Variants in MYO1D observed in about 807,000 individuals in gnomAD.
MYO1D encodes the protein myosin ID.
In MYO1D, 83 loss-of-function variants were observed where a neutral mutation model predicts 122.0. The ratio of observed to expected loss-of-function variants is 0.68; its 90% CI spans 0.57 to 0.82. The LOEUF (loss-of-function observed/expected upper bound fraction) is 0.82. MYO1D is among the 40% of genes least tolerant of loss of function. The probability of loss-of-function intolerance (pLI) is 0.00; values close to 1 mark genes in which losing one functional copy is unlikely to be tolerated. For missense variants in MYO1D, 1,157 were observed against 1,269.5 expected (o/e 0.91, Z 1.35); for synonymous variants, 464 against 446.9 (o/e 1.04, Z -0.48).
At chr17:32,694,663 T>TGCA (rs2089148203) in intron 16 of MYO1D, among the ~76,000 whole-genome samples, 1 of 123,932 alleles carries the variant, frequency 8.1e-6, no homozygotes, top group Admixed American at 1.1e-4. Flanking sequence ...ATTGCGCCAC[T>TGCA]GCAGTCCGCA....
chr17:32,558,009 G>T (rs1188528312), intron 21 of MYO1D, among the ~76,000 whole-genome samples: 4 of 151,906 alleles, frequency 2.6e-5, no homozygotes, highest in African/African-American at 9.7e-5. Flanking sequence ...TAATTTTCAG[G>T]TGTTACAAAA....
chr17:32,782,417 T>C (rs894786825), intron 1 of MYO1D, among the ~76,000 whole-genome samples: 1 of 152,198 alleles, frequency 6.6e-6, no homozygotes, highest in African/African-American at 2.4e-5. Context: ...TGAAAGCTAC[T>C]TAACCTCCAT....
intron 19 of MYO1D, among the ~76,000 whole-genome samples, chr17:32,644,321 G>A (rs956703096): frequency 6.6e-6 from 1 of 152,168 alleles, no homozygotes; most frequent in Non-Finnish European, 1.5e-5. Context: ...GTTGAGGAGT[G>A]CTTTACTTCC....
At position 32,694,564 on chromosome 17, in the gene MYO1D, G is replaced by A. The variant is rs563118723; in HGVS notation, c.2121+17424C>T. The stretch of plus-strand genomic sequence containing the variant: ...AAAATACAAAAAATTAGCCGGGCGC[G>A]GTGGCGGGCGCCTGTAGTCCCAGCT... On this transcript the variant is annotated intron_variant, in intron 16 of 21. Coordinates refer to ENST00000318217, the MANE Select transcript of MYO1D (RefSeq NM_015194.3). Among the ~76,000 whole-genome samples, 220 of 151,608 alleles carry A rather than the reference G, an allele frequency of 1.5e-3. 2 individuals carry two copies. The highest frequency in any genetic ancestry group is 4.0e-3 in the African/African-American group (166 of 41,364).
intron 1 of MYO1D, among the ~76,000 whole-genome samples, chr17:32,871,643 G>A (rs2091181205): frequency 6.6e-6 from 1 of 152,218 alleles, no homozygotes; most frequent in Non-Finnish European, 1.5e-5. Flanking sequence ...GAAGTCTAAC[G>A]TATATTTCAT....
At chr17:32,632,821 T>C (rs1486582676) in intron 20 of MYO1D, among the ~76,000 whole-genome samples, 1 of 151,974 alleles carries the variant, frequency 6.6e-6, no homozygotes, top group Non-Finnish European at 1.5e-5. Flanking sequence ...TGTCCAACAG[T>C]AATCAAAACA....
At chr17:32,713,025 C>G (rs954743365) in intron 15 of MYO1D, among the ~76,000 whole-genome samples, 15 of 152,184 alleles carry the variant, frequency 9.9e-5, no homozygotes, top group African/African-American at 3.4e-4. Context: ...TATCACAGAG[C>G]TTTTTCCATC....
intron 19 of MYO1D, among the ~76,000 whole-genome samples, chr17:32,645,565 C>T (rs1302857374): frequency 6.6e-6 from 1 of 152,144 alleles, no homozygotes; most frequent in Non-Finnish European, 1.5e-5. Context: ...TTGGTCTTTT[C>T]ACACAGTCCC....
intron 20 of MYO1D, among the ~76,000 whole-genome samples, chr17:32,623,878 G>C (rs2087886529): frequency 6.6e-6 from 1 of 152,160 alleles, no homozygotes; most frequent in Non-Finnish European, 1.5e-5. Context: ...TCTTGTATAA[G>C]TCGATAATCC....
At chr17:32,851,196 C>A (rs2090985210) in intron 1 of MYO1D, among the ~76,000 whole-genome samples, 1 of 152,116 alleles carries the variant, frequency 6.6e-6, no homozygotes, top group South Asian at 2.1e-4. Context: ...CACTCTCAGC[C>A]AACATCTTGC....
intron 20 of MYO1D, among the ~76,000 whole-genome samples, chr17:32,614,376 G>A (rs1330748422): frequency 6.6e-6 from 1 of 151,742 alleles, no homozygotes; most frequent in Non-Finnish European, 1.5e-5. Context: ...TTGGGTTTTT[G>A]GATGTACTAT....
chr17:32,608,477 CA>C (rs1472651324), intron 20 of MYO1D, among the ~76,000 whole-genome samples: 2 of 152,104 alleles, frequency 1.3e-5, no homozygotes, highest in Non-Finnish European at 2.9e-5. Flanking sequence ...CCTACAACAA[CA>C]AAAGAGTGAT....
At chr17:32,759,476 A>G (rs1022904835) in intron 10 of MYO1D, among the ~76,000 whole-genome samples, 3 of 152,150 alleles carry the variant, frequency 2.0e-5, no homozygotes, top group Non-Finnish European at 4.4e-5. Context: ...CTTCATTTCT[A>G]TTCTCTGGCA....
chr17:32,499,366 T>G (rs1215660107), intron 21 of MYO1D: 1 of 152,046 alleles, frequency 6.6e-6, no homozygotes, highest in Non-Finnish European at 1.5e-5. Flanking sequence ...CCGGGTGCAG[T>G]TGCTCACGCC....
chr17:32,553,596 A>G (rs115171122), intron 21 of MYO1D, among the ~76,000 whole-genome samples: 1 of 152,138 alleles, frequency 6.6e-6, no homozygotes, highest in Admixed American at 6.5e-5. Flanking sequence ...TCCAAAGCTG[A>G]AGACCATTCC....
intron 13 of MYO1D, among the ~76,000 whole-genome samples, chr17:32,742,713 C>T (rs902163893): frequency 6.6e-6 from 1 of 152,192 alleles, no homozygotes; most frequent in Non-Finnish European, 1.5e-5. Flanking sequence ...ATGCCCAGTT[C>T]TTCCAAGGAT....
intron 16 of MYO1D, among the ~76,000 whole-genome samples, chr17:32,700,293 C>T (rs1267090474): frequency 6.6e-6 from 1 of 152,208 alleles, no homozygotes; most frequent in Non-Finnish European, 1.5e-5. Context: ...CCTAGATCCC[C>T]TGCATGGGCA....
chr17:32,711,466 T>C (rs983931956), intron 16 of MYO1D, among the ~76,000 whole-genome samples: 1 of 152,096 alleles, frequency 6.6e-6, no homozygotes, highest in Non-Finnish European at 1.5e-5. Flanking sequence ...ACCAACATGG[T>C]GAAACCCTAT....
intron 16 of MYO1D, among the ~76,000 whole-genome samples, chr17:32,700,746 C>G (rs1283850988): frequency 6.6e-6 from 1 of 151,994 alleles, no homozygotes; most frequent in Non-Finnish European, 1.5e-5. Flanking sequence ...GAGTTCGAGA[C>G]CAGCCTGGCC....
Sources: gnomAD v4.1 joint callset for allele counts (sites outside exome capture counted in the v4.1 genomes callset) on GRCh38, gnomAD v4.1.1 for gene constraint, MANE v1.5 for transcripts, NCBI Gene and HGNC (gene_info 2026-07-23, HGNC 2026-07-21) for gene names.